Variants in RNF213 observed in about 807,000 individuals in gnomAD.
The protein encoded by RNF213 is ring finger protein 213.
A neutral mutation model predicts 514.4 loss-of-function variants in RNF213; 341 were observed. The ratio of observed to expected loss-of-function variants is 0.66; its 90% CI spans 0.61 to 0.73. The LOEUF (loss-of-function observed/expected upper bound fraction) is 0.73, where lower values mean the gene tolerates loss of function less well. RNF213 is among the 30% of genes least tolerant of loss of function. The pLI is 0.00. For missense variants in RNF213, 5,767 were observed against 6,615.6 expected (o/e 0.87, Z 4.45); for synonymous variants, 2,655 against 2,658.2 (o/e 1.00, Z 0.04).
chr17:80,336,026 G>T, intron 22 of RNF213, 135 bp from the exon 23 acceptor site: 5 of 669,936 alleles, frequency 7.5e-6, no homozygotes, highest in Non-Finnish European at 1.2e-5. Flanking sequence ...GACTCTTACT[G>T]AAAGCAGAAA....
At chr17:80,362,342 G>A (rs1301850554) in intron 39 of RNF213, among the ~76,000 whole-genome samples, 3 of 152,158 alleles carry the variant, frequency 2.0e-5, no homozygotes, top group Non-Finnish European at 2.9e-5. Context: ...ATGACTAGAG[G>A]TTAATATTCT....
chr17:80,281,710 C>T (rs74256843), intron 3 of RNF213, among the ~76,000 whole-genome samples: 2,846 of 152,186 alleles, frequency 0.019, 55 homozygotes, highest in East Asian at 0.11. Flanking sequence ...CATACTCACA[C>T]TGAAACACAC....
chr17:80,295,850 A>T, intron 10 of RNF213, 37 bp downstream of exon 10: 1 of 1,608,866 alleles, frequency 6.2e-7, no homozygotes, highest in Non-Finnish European at 8.5e-7. Context: ...TTTTATAGCT[A>T]TTATAATGAT....
At chr17:80,393,136 G>A (rs1003617944) in intron 67 of RNF213, among the ~76,000 whole-genome samples, 3 of 151,176 alleles carry the variant, frequency 2.0e-5, no homozygotes, top group African/African-American at 4.9e-5. Context: ...ACACCACCAC[G>A]TGCCCAGCTA....
Position 80,339,302 on chromosome 17 carries a change from C to T in RNF213, c.4935C>T (p.Pro1645=). 2.6e-6 allele frequency: 4 copies of T among 1,536,882 alleles called. No homozygotes were observed. Among genetic ancestry groups the T allele is most frequent in the Non-Finnish European group, 3.5e-6 (4 of 1,146,588 alleles). The change falls in exon 26 of 68, where the codon CCC becomes CCT. Residue 1645 remains proline, a synonymous_variant. Coordinates refer to ENST00000582970, the MANE Select transcript of RNF213 (RefSeq NM_001256071.3). ...RTWIAMAYCS[P]KQGVSLQMDF... Reference sequence around the variant, plus strand: ...GGATCGCCATGGCCTACTGCTCCCCCAAGCAGGGTGTGTCCCTCCAAATGG... The same window carrying T: ...GGATCGCCATGGCCTACTGCTCCCCTAAGCAGGGTGTGTCCCTCCAAATGG...
At chr17:80,278,956 C>T in intron 3 of RNF213, 1 of 1,532,422 alleles carries the variant, frequency 6.5e-7, no homozygotes, top group South Asian at 1.2e-5. Context: ...TGCCCTGGTG[C>T]ATGCTGGCAC....
At chr17:80,371,746 G>A (rs957341151) in intron 46 of RNF213, 128 bp from the exon 47 acceptor site, 31 of 628,272 alleles carry the variant, frequency 4.9e-5, no homozygotes, top group East Asian at 8.4e-5. Context: ...TAGAAACCAC[G>A]TATATGTATG....
At position 80,348,551 on chromosome 17, in the gene RNF213, T is replaced by C. The variant is rs1599080958; in HGVS notation, c.9951+265T>C. ...CAAATAAAGTACCACGTCCCAGGACTGGGCCAAGGGCACTAGGGACGCACA... is the reference window on the plus strand; with the variant it reads ...CAAATAAAGTACCACGTCCCAGGACCGGGCCAAGGGCACTAGGGACGCACA... On this transcript the variant is annotated intron_variant, in intron 29 of 67. Transcript: ENST00000582970. Among the ~76,000 whole-genome samples the C allele has an allele frequency of 2.6e-5, 4 of 152,392 alleles. No individual in the cohort carries two copies. The South Asian group carries it at 8.3e-4, about 32-fold the overall frequency.
intron 26 of RNF213, chr17:80,340,608 GGTTTT>G: frequency 1.3e-5 from 3 of 224,782 alleles, no homozygotes; most frequent in Non-Finnish European, 1.6e-5. Context: ...TGTACTTTGT[GGTTTT>G]TTTTTTTTTT....
In RNF213 at chr17:80,294,876, C is replaced by A; in HGVS notation, c.1628C>A (p.Thr543Asn). 1 of 1,614,202 alleles carries A rather than the reference C, an allele frequency of 6.2e-7. No individual in the cohort carries two copies. The highest frequency in any genetic ancestry group is 8.5e-7 in the Non-Finnish European group (1 of 1,180,044). ...GACAGCACCTTCAGCATCCTGCAGACCTGGGACACCATCAACCTGAACAGC... is the reference window on the plus strand; with the variant it reads ...GACAGCACCTTCAGCATCCTGCAGAACTGGGACACCATCAACCTGAACAGC... ...MLDSTFSILQ[T>N]WDTINLNSFF... The change falls in exon 9 of 68, where the codon ACC becomes AAC. Residue 543 changes from threonine to asparagine, a missense_variant. Coordinates refer to ENST00000582970, the MANE Select transcript of RNF213 (RefSeq NM_001256071.3).
At position 80,361,858 on chromosome 17, in the gene RNF213, C is replaced by T. The variant is rs1326107546; in HGVS notation, c.11325C>T (p.Thr3775=). The T allele has an allele frequency of 6.2e-7, 1 of 1,613,604 alleles. No individual in the cohort carries two copies. The change falls in exon 39 of 68, where the codon ACC becomes ACT. Residue 3775 remains threonine, a synonymous_variant. Coordinates refer to ENST00000582970, the MANE Select transcript of RNF213 (RefSeq NM_001256071.3). ...ACTTGAAGGATTTCATTCTCTTGACCATGCGTGTGTCAACGGAGGAGGAAT... is the reference window on the plus strand; with the variant it reads ...ACTTGAAGGATTTCATTCTCTTGACTATGCGTGTGTCAACGGAGGAGGAAT... ...QCYLKDFILL[T]MRVSTEEELK...
chr17:80,328,249 C>T (rs117439438), intron 19 of RNF213, 79 bp from the exon 20 acceptor site: 63 of 1,444,952 alleles, frequency 4.4e-5, no homozygotes, highest in African/African-American at 5.7e-5. Flanking sequence ...GGGGAAGGTG[C>T]GGCGCTTTCA....
At chr17:80,364,137 A>G (rs2079162675) in intron 41 of RNF213, among the ~76,000 whole-genome samples, 2 of 152,174 alleles carry the variant, frequency 1.3e-5, no homozygotes, top group Admixed American at 6.5e-5. Context: ...GCCAGAGTCC[A>G]CTTCCCTAAA....
At chr17:80,311,410 T>A (rs2045567801) in intron 14 of RNF213, among the ~76,000 whole-genome samples, 2 of 152,172 alleles carry the variant, frequency 1.3e-5, no homozygotes, top group Non-Finnish European at 2.9e-5. Flanking sequence ...TCCAGCCCTG[T>A]GCTGCTGGAT....
In RNF213 at chr17:80,377,647, ACAGTCATTCT is replaced by A; in HGVS notation, c.13511-112_13511-103del. The A allele has an allele frequency of 1.8e-6, 2 of 1,095,702 alleles. No individual in the cohort carries two copies. Among genetic ancestry groups the A allele is most frequent in the East Asian group, 4.7e-5 (2 of 42,590 alleles). 67.9% of individuals were successfully genotyped at this position (1,095,702 alleles called of 1,614,324 possible). On this transcript the variant is annotated intron_variant, in intron 53 of 67. Coordinates refer to ENST00000582970, the MANE Select transcript of RNF213 (RefSeq NM_001256071.3). The surrounding 1 kb of genome is among the most constrained non-coding windows in gnomAD (Gnocchi z 4.1). The stretch of plus-strand genomic sequence containing the variant: ...AACAAATTAGCGTGGGATGCTCTGG[ACAGTCATTCT>A]CATATTGTGGTCAGGGCCAGAGAGT...
At position 80,313,211 on chromosome 17, in the gene RNF213, C is replaced by G. The variant is rs201643716; in HGVS notation, c.2811+44C>G. 77 of 1,611,910 alleles carry G rather than the reference C, an allele frequency of 4.8e-5. No individual in the cohort carries two copies. The East Asian group carries it at 1.6e-3, about 34-fold the overall frequency. ...GCTTCTGGGTAGGGATGTGACTGAT[C>G]GTGATTCCTCATGGCCTCAAATCAT... is the stretch of plus-strand genomic sequence containing the variant. On this transcript the variant is annotated intron_variant, in intron 15 of 67. Coordinates refer to ENST00000582970, the MANE Select transcript of RNF213 (RefSeq NM_001256071.3).
At chr17:80,278,874 T>C in intron 3 of RNF213, 1 of 1,537,090 alleles carries the variant, frequency 6.5e-7, no homozygotes, top group South Asian at 1.2e-5. Flanking sequence ...CAGCCCCGCT[T>C]GAGGCCGCCA....
intron 30 of RNF213, 88 bp from the exon 31 acceptor site, chr17:80,350,213 C>G: frequency 1.1e-6 from 1 of 882,484 alleles, no homozygotes; most frequent in Non-Finnish European, 1.9e-6. Context: ...TTCTTTGTAG[C>G]CTTTATGTTT....
At chr17:80,348,355 T>A (rs1037084076) in intron 29 of RNF213, 69 bp downstream of exon 29, 1 of 1,589,802 alleles carries the variant, frequency 6.3e-7, no homozygotes, top group Non-Finnish European at 8.5e-7. Flanking sequence ...CGTGTCAGGA[T>A]TCAAGATTCT....
Sources: gnomAD v4.1 joint callset for allele counts (sites outside exome capture counted in the v4.1 genomes callset) on GRCh38, gnomAD v4.1.1 for gene constraint, Gnocchi (gnomAD v3.1) non-coding constraint, MANE v1.5 for transcripts, NCBI Gene and HGNC (gene_info 2026-07-23, HGNC 2026-07-21) for gene names.